The following LRP1B variants were observed in gnomAD, a reference collection of about 807,000 sequenced individuals.
LRP1B encodes the protein low-density lipoprotein receptor-related protein 1B.
Under a neutral mutation model 556.6 loss-of-function variants are expected in LRP1B, and 217 were observed. The observed-to-expected ratio is 0.39, with a 90% CI of 0.35 to 0.44. LRP1B has a LOEUF of 0.44. Ranked by LOEUF, LRP1B falls within the 20% of genes least tolerant of loss-of-function variation. LRP1B has a pLI of 1.00. For missense variants in LRP1B, 5,053 were observed against 5,620.8 expected (o/e 0.90, Z 3.23); for synonymous variants, 2,047 against 1,865.8 (o/e 1.10, Z -2.50).
intron 3 of LRP1B, among the ~76,000 whole-genome samples, chr2:141,275,290 T>C (rs1685244742): frequency 6.6e-6 from 1 of 152,218 alleles, no homozygotes; most frequent in South Asian, 2.1e-4. Flanking sequence ...GTTTAAACAA[T>C]ACTGTGATAT....
chr2:141,488,901 T>C (rs1435872867), intron 2 of LRP1B, among the ~76,000 whole-genome samples: 1 of 152,216 alleles, frequency 6.6e-6, no homozygotes, highest in East Asian at 1.9e-4. Context: ...TATAACTAAG[T>C]TATACATGAA....
At chr2:141,052,583 T>C (rs1219259230) in intron 10 of LRP1B, among the ~76,000 whole-genome samples, 1 of 152,096 alleles carries the variant, frequency 6.6e-6, no homozygotes, top group East Asian at 1.9e-4. Flanking sequence ...TGTGAAATGA[T>C]GTTGTCAGTT....
intron 6 of LRP1B, among the ~76,000 whole-genome samples, chr2:141,192,225 G>A (rs1007355146): frequency 1.7e-4 from 26 of 151,898 alleles, no homozygotes; most frequent in Admixed American, 1.6e-3. Context: ...ATACATAAAT[G>A]CATTAGATGG....
intron 2 of LRP1B, among the ~76,000 whole-genome samples, chr2:141,512,072 T>C (rs560026046): frequency 4.6e-5 from 7 of 152,316 alleles, no homozygotes; most frequent in South Asian, 4.1e-4. Flanking sequence ...TTCCCCTCTT[T>C]ACTACAGAAG....
intron 6 of LRP1B, among the ~76,000 whole-genome samples, chr2:141,195,178 T>C (rs1055558553): frequency 2.6e-5 from 4 of 152,038 alleles, no homozygotes; most frequent in Non-Finnish European, 5.9e-5. Flanking sequence ...CTCTCTCTCT[T>C]TGGATCACTC....
chr2:140,322,076 C>T lies in LRP1B; in HGVS notation c.12527G>A (p.Cys4176Tyr). The T allele has an allele frequency of 6.2e-7, 1 of 1,612,712 alleles. No individual in the cohort carries two copies. Among genetic ancestry groups the T allele is most frequent in the Non-Finnish European group, 8.5e-7 (1 of 1,179,348 alleles). ...AAGAAATTCGCATGCTAAATCCAAG[C>T]ATGGATTGGGTACTGGTGAAACAAA... ...RYKQLDLPNP[C>Y]LDLACEFLCL... is the part of the protein sequence containing the mutation. Residue 4176 changes from cysteine (C) to tyrosine (Y), a missense_variant, in exon 82 of 91, where the codon TGC becomes TAC. By Grantham distance (194) the Cys-to-Tyr change is radical. This residue lies in a region of LRP1B where 551 missense variants were observed against 592.0 expected (regional missense o/e 0.93). Transcript: ENST00000389484.
At chr2:140,431,556 T>C (rs1166882497) in intron 66 of LRP1B, among the ~76,000 whole-genome samples, 1 of 152,334 alleles carries the variant, frequency 6.6e-6, no homozygotes, top group African/African-American at 2.4e-5. Context: ...ATCGTGGTGC[T>C]ATCCCCAAAC....
chr2:141,317,224 G>A (rs1217748822), intron 3 of LRP1B, among the ~76,000 whole-genome samples: 1 of 152,164 alleles, frequency 6.6e-6, no homozygotes, highest in Non-Finnish European at 1.5e-5. Context: ...TAGTGTTTCT[G>A]TGTTAGTTGC....
At chr2:141,245,325 T>G (rs1227564390) in intron 5 of LRP1B, among the ~76,000 whole-genome samples, 1 of 152,194 alleles carries the variant, frequency 6.6e-6, no homozygotes, top group Non-Finnish European at 1.5e-5. Flanking sequence ...TGTAGATACA[T>G]ATGTTTTCTA....
intron 2 of LRP1B, among the ~76,000 whole-genome samples, chr2:141,673,056 C>T (rs1690734954): frequency 6.6e-6 from 1 of 152,164 alleles, no homozygotes; most frequent in Non-Finnish European, 1.5e-5. Flanking sequence ...TTCCTTAAAA[C>T]ACAGATAAGT....
intron 1 of LRP1B, among the ~76,000 whole-genome samples, chr2:141,820,122 C>T (rs1050830999): frequency 2.6e-5 from 4 of 152,076 alleles, no homozygotes; most frequent in Non-Finnish European, 4.4e-5. Flanking sequence ...ACCATGAAAA[C>T]TGAAAGGCAA....
chr2:140,516,742 C>A (rs1336921509), intron 50 of LRP1B, 147 bp downstream of exon 50: 2 of 745,702 alleles, frequency 2.7e-6, no homozygotes, highest in African/African-American at 3.6e-5. Context: ...TAATTTTAAT[C>A]TTTACCATTT....
chr2:141,507,838 C>G (rs751764547), intron 2 of LRP1B, among the ~76,000 whole-genome samples: 1 of 151,766 alleles, frequency 6.6e-6, no homozygotes, highest in African/African-American at 2.4e-5. Context: ...GTCATCCCAG[C>G]GCTTTGGGAG....
intron 2 of LRP1B, among the ~76,000 whole-genome samples, chr2:141,609,041 A>G (rs537099684): frequency 2.0e-5 from 3 of 152,182 alleles, no homozygotes; most frequent in Non-Finnish European, 4.4e-5. Context: ...CTCACAATGT[A>G]GCATCTAGAG....
At chr2:141,192,117 G>C (rs1681541487) in intron 6 of LRP1B, among the ~76,000 whole-genome samples, 1 of 151,844 alleles carries the variant, frequency 6.6e-6, no homozygotes, top group South Asian at 2.1e-4. Flanking sequence ...AATTGGCTTT[G>C]TTCCTCATTT....
intron 5 of LRP1B, among the ~76,000 whole-genome samples, chr2:141,238,030 T>C (rs531909966): frequency 2.0e-5 from 3 of 152,316 alleles, no homozygotes; most frequent in East Asian, 3.9e-4. Context: ...AATGCAGTTA[T>C]TTTAATCAGA....
At chr2:141,476,519 T>G (rs571458314) in intron 3 of LRP1B, among the ~76,000 whole-genome samples, 196 of 152,296 alleles carry the variant, frequency 1.3e-3, no homozygotes, top group Middle Eastern at 3.4e-3. Context: ...GTTTTTACTG[T>G]AAAACTTTTA....
chr2:140,550,460 C>T (rs567827066), intron 43 of LRP1B, among the ~76,000 whole-genome samples: 2 of 152,232 alleles, frequency 1.3e-5, no homozygotes, highest in South Asian at 4.1e-4. Flanking sequence ...AAATGTCTAC[C>T]TTTATCTGTA....
chr2:141,831,855 T>A (rs1477304128), intron 1 of LRP1B, among the ~76,000 whole-genome samples: 1 of 151,640 alleles, frequency 6.6e-6, no homozygotes, highest in Non-Finnish European at 1.5e-5. Flanking sequence ...GTTCTTTAAA[T>A]CATATTAACT....
Sources: gnomAD v4.1 joint callset for allele counts (sites outside exome capture counted in the v4.1 genomes callset) on GRCh38, gnomAD v4.1.1 for gene constraint, gnomAD v4.1.1 regional missense constraint, MANE v1.5 for transcripts, NCBI Gene and HGNC (gene_info 2026-07-23, HGNC 2026-07-21) for gene names.